The following LINGO2 variants were observed in gnomAD, a reference collection of about 807,000 sequenced individuals.
The protein encoded by LINGO2 is leucine rich repeat and Ig domain containing 2.
In LINGO2, 14 loss-of-function variants were observed where a neutral mutation model predicts 30.6. The observed-to-expected ratio is 0.46, with a 90% CI of 0.30 to 0.72. The LOEUF (loss-of-function observed/expected upper bound fraction) is 0.72, where lower values mean the gene tolerates loss of function less well. LINGO2 is among the 30% of genes least tolerant of loss of function. LINGO2 has a pLI of 0.07. For synonymous variants in LINGO2, 317 were observed against 288.5 expected, an observed-to-expected ratio of 1.10 and a Z score of -1.00; for missense variants, 729 against 751.7, an observed-to-expected ratio of 0.97 and a Z score of 0.35.
the LINGO2 span, among the ~76,000 whole-genome samples, chr9:29,007,775 A>C: frequency 6.6e-6 from 1 of 152,116 alleles, no homozygotes; most frequent in South Asian, 2.1e-4. Context: ...GACTATGGAC[A>C]TGTTTAGTTT....
the LINGO2 span, among the ~76,000 whole-genome samples, chr9:29,072,948 C>T: frequency 5.2e-3 from 784 of 149,918 alleles, 10 homozygotes; most frequent in African/African-American, 0.018. Flanking sequence ...CTCTCTCTCC[C>T]CTCCCCTCCT....
chr9:28,014,736 G>C (rs890805882), intron 4 of LINGO2, among the ~76,000 whole-genome samples: 1 of 152,104 alleles, frequency 6.6e-6, no homozygotes, highest in Non-Finnish European at 1.5e-5. Flanking sequence ...TATATTTTGT[G>C]ACTGTCTGAC....
chr9:29,028,616 T>A, the LINGO2 span, among the ~76,000 whole-genome samples: 6 of 152,160 alleles, frequency 3.9e-5, no homozygotes, highest in Non-Finnish European at 7.4e-5. Context: ...CAATAAAATG[T>A]GGTAGAAATG....
At chr9:29,174,125 A>G in the LINGO2 span, among the ~76,000 whole-genome samples, 1 of 152,190 alleles carries the variant, frequency 6.6e-6, no homozygotes, top group African/African-American at 2.4e-5. Context: ...CTAAAAAAAA[A>G]AAATTAATGT....
intron 3 of LINGO2, among the ~76,000 whole-genome samples, chr9:28,355,926 C>T (rs557512448): frequency 6.6e-6 from 1 of 152,250 alleles, no homozygotes; most frequent in South Asian, 2.1e-4. Context: ...GTGTTGCTGG[C>T]TTGAAAGAGA....
chr9:28,196,776 A>T lies in LINGO2; in HGVS notation c.-87+98432T>A, dbSNP rs1455321530. On this transcript the variant is annotated intron_variant, in intron 4 of 5. Coordinates refer to ENST00000379992, the Ensembl canonical transcript of LINGO2. ...AGGTTACCTGGAACTGGACAATGTT[A>T]TGTTAAACAAAATAAGTCAGGTATA... 2.0e-5 allele frequency among the ~76,000 whole-genome samples: 3 copies of T among 151,960 alleles called. No individual in the cohort carries two copies. In the East Asian group the frequency reaches 5.8e-4, roughly 29 times the overall value.
At chr9:28,209,060 C>T (rs1036787451) in intron 4 of LINGO2, among the ~76,000 whole-genome samples, 14 of 151,998 alleles carry the variant, frequency 9.2e-5, no homozygotes, top group South Asian at 2.1e-4. Flanking sequence ...GTTCTATTCA[C>T]GACAGAGAGC....
the LINGO2 span, among the ~76,000 whole-genome samples, chr9:28,845,008 A>C: frequency 1.4e-4 from 21 of 151,930 alleles, no homozygotes; most frequent in Admixed American, 2.0e-4. Flanking sequence ...CTGAGGACTG[A>C]CAAGTTCCCT....
chr9:28,815,438 A>G, the LINGO2 span, among the ~76,000 whole-genome samples: 1 of 152,184 alleles, frequency 6.6e-6, no homozygotes, highest in Admixed American at 6.5e-5. Context: ...GGTTGCCATT[A>G]TTAATATAAG....
At chr9:29,187,457 G>T in the LINGO2 span, among the ~76,000 whole-genome samples, 14 of 152,152 alleles carry the variant, frequency 9.2e-5, no homozygotes, top group East Asian at 2.7e-3. Flanking sequence ...CAAACCTCTG[G>T]TCGTTCACTC....
At chr9:28,522,752 T>G (rs955209826) in intron 1 of LINGO2, among the ~76,000 whole-genome samples, 1 of 152,106 alleles carries the variant, frequency 6.6e-6, no homozygotes, top group Non-Finnish European at 1.5e-5. Context: ...TACAGAGCAT[T>G]CGAAATTTGT....
the LINGO2 span, among the ~76,000 whole-genome samples, chr9:29,033,632 T>A: frequency 1.3e-5 from 2 of 151,882 alleles, no homozygotes; most frequent in African/African-American, 2.4e-5. Flanking sequence ...TGATTGCATC[T>A]TCATATATAA....
At chr9:28,768,228 C>T in the LINGO2 span, among the ~76,000 whole-genome samples, 1 of 152,132 alleles carries the variant, frequency 6.6e-6, no homozygotes, top group Non-Finnish European at 1.5e-5. Context: ...CCCTGTCATC[C>T]ACAAAGGTAA....
the LINGO2 span, among the ~76,000 whole-genome samples, chr9:28,780,644 T>C: frequency 1.3e-5 from 2 of 152,144 alleles, no homozygotes; most frequent in African/African-American, 4.8e-5. Flanking sequence ...GGTGAACAGC[T>C]TCAGATTTCT....
intron 3 of LINGO2, among the ~76,000 whole-genome samples, chr9:28,295,963 T>C (rs1271790400): frequency 6.6e-6 from 1 of 152,164 alleles, no homozygotes; most frequent in Non-Finnish European, 1.5e-5. Context: ...GATATCAACA[T>C]ACAGACTGTA....
the LINGO2 span, among the ~76,000 whole-genome samples, chr9:28,910,484 T>C: frequency 1.3e-5 from 2 of 152,036 alleles, no homozygotes; most frequent in Admixed American, 6.6e-5. Context: ...CACCCAAATC[T>C]CATGTCAAAT....
chr9:29,027,064 G>T, the LINGO2 span, among the ~76,000 whole-genome samples: 1 of 152,100 alleles, frequency 6.6e-6, no homozygotes, highest in Non-Finnish European at 1.5e-5. Flanking sequence ...TTTAACCAGT[G>T]TTATAAATCA....
At chr9:28,202,134 T>C (rs574418732) in intron 4 of LINGO2, among the ~76,000 whole-genome samples, 124 of 152,296 alleles carry the variant, frequency 8.1e-4, no homozygotes, top group South Asian at 1.7e-3. Flanking sequence ...AGAACACCAG[T>C]CATATTATAA....
chr9:28,823,153 CT>C, the LINGO2 span, among the ~76,000 whole-genome samples: 1 of 152,122 alleles, frequency 6.6e-6, no homozygotes, highest in Admixed American at 6.6e-5. Context: ...ATAAAACATG[CT>C]TTCTTTCTCC....
Sources: gnomAD v4.1 joint callset for allele counts (sites outside exome capture counted in the v4.1 genomes callset) on GRCh38, gnomAD v4.1.1 for gene constraint, MANE v1.5 for transcripts, NCBI Gene and HGNC (gene_info 2026-07-23, HGNC 2026-07-21) for gene names.